CSMD1: variants seen among roughly 807,000 people sequenced by gnomAD.
CSMD1 encodes CUB and sushi domain-containing protein 1.
Under a neutral mutation model 417.5 loss-of-function variants are expected in CSMD1, and 213 were observed. That is an observed-to-expected ratio of 0.51 (90% CI 0.46 to 0.57). CSMD1 has a LOEUF of 0.57. CSMD1 is among the 20% of genes least tolerant of loss of function. The pLI, the probability that CSMD1 is intolerant of heterozygous loss-of-function variation, is 0.00. For missense variants in CSMD1, 6,923 were observed against 4,529.7 expected (o/e 1.53, Z -15.17); for synonymous variants, 2,862 against 1,736.8 (o/e 1.65, Z -16.11).
At chr8:4,461,207 A>C (rs981989719) in intron 2 of CSMD1, among the ~76,000 whole-genome samples, 1 of 152,036 alleles carries the variant, frequency 6.6e-6, no homozygotes, top group Non-Finnish European at 1.5e-5. Context: ...TGATAAAAAC[A>C]ATTAACTAGC....
At chr8:3,495,200 T>G (rs913362113) in intron 10 of CSMD1, among the ~76,000 whole-genome samples, 1 of 152,238 alleles carries the variant, frequency 6.6e-6, no homozygotes, top group Non-Finnish European at 1.5e-5. Context: ...GATATTTTTA[T>G]TTCTACTTTT....
intron 59 of CSMD1, among the ~76,000 whole-genome samples, chr8:2,964,239 G>GA (rs1289847223): frequency 3.9e-5 from 6 of 152,212 alleles, no homozygotes; most frequent in Non-Finnish European, 7.3e-5. Flanking sequence ...TCTCACGTGA[G>GA]AAAGACATGC....
At chr8:4,737,699 C>T (rs1056572966) in intron 1 of CSMD1, among the ~76,000 whole-genome samples, 8 of 152,080 alleles carry the variant, frequency 5.3e-5, no homozygotes, top group South Asian at 2.1e-4. Flanking sequence ...TCATTTAATT[C>T]GGCTGCTGAA....
intron 5 of CSMD1, among the ~76,000 whole-genome samples, chr8:3,849,482 G>A (rs1028992443): frequency 1.3e-5 from 2 of 152,108 alleles, no homozygotes; most frequent in African/African-American, 4.8e-5. Context: ...CATCTGAATT[G>A]GAATCCATCA....
intron 1 of CSMD1, among the ~76,000 whole-genome samples, chr8:4,835,032 G>C (rs1359267448): frequency 7.0e-6 from 1 of 142,706 alleles, no homozygotes; most frequent in Non-Finnish European, 1.5e-5. Flanking sequence ...CAGTATTGGG[G>C]GAACAAATGA....
intron 27 of CSMD1, among the ~76,000 whole-genome samples, chr8:3,228,915 G>C (rs918859950): frequency 4.0e-4 from 61 of 152,084 alleles, no homozygotes; most frequent in Non-Finnish European, 8.8e-5. Context: ...CTCAGCTTGA[G>C]TAAAACGCGT....
chr8:4,935,484 T>G (rs1807552495), intron 1 of CSMD1, among the ~76,000 whole-genome samples: 1 of 152,236 alleles, frequency 6.6e-6, no homozygotes, highest in African/African-American at 2.4e-5. Flanking sequence ...AGTCTTTCAG[T>G]GTGAATCCAT....
chr8:4,925,399 G>C (rs774346592), intron 1 of CSMD1, among the ~76,000 whole-genome samples: 1 of 151,572 alleles, frequency 6.6e-6, no homozygotes, highest in Admixed American at 6.6e-5. Context: ...ATGGCATTTT[G>C]TAAAACAATC....
intron 3 of CSMD1, among the ~76,000 whole-genome samples, chr8:4,321,836 C>A (rs1354212624): frequency 6.6e-6 from 1 of 152,068 alleles, no homozygotes; most frequent in African/African-American, 2.4e-5. Flanking sequence ...TGTAGTTACA[C>A]TACTTGACAC....
At chr8:4,516,902 T>A (rs917698392) in intron 2 of CSMD1, among the ~76,000 whole-genome samples, 2 of 152,128 alleles carry the variant, frequency 1.3e-5, no homozygotes. Flanking sequence ...ATATAATATT[T>A]TTATAAGAAT....
chr8:3,666,343 C>G (rs1426615061), intron 7 of CSMD1, among the ~76,000 whole-genome samples: 1 of 152,140 alleles, frequency 6.6e-6, no homozygotes, highest in African/African-American at 2.4e-5. Flanking sequence ...ATGATATAAA[C>G]GCCTGTCCGT....
chr8:4,377,843 AG>A, intron 3 of CSMD1, among the ~76,000 whole-genome samples: 1 of 152,098 alleles, frequency 6.6e-6, no homozygotes, highest in South Asian at 2.1e-4. Context: ...TGCCCCAATT[AG>A]TATACTTCTG....
intron 5 of CSMD1, among the ~76,000 whole-genome samples, chr8:3,760,498 T>C (rs1015550627): frequency 6.6e-6 from 1 of 152,176 alleles, no homozygotes; most frequent in Non-Finnish European, 1.5e-5. Flanking sequence ...TATAACATAC[T>C]CCTACTCATT....
At chr8:3,544,888 T>C (rs998068952) in intron 10 of CSMD1, among the ~76,000 whole-genome samples, 3 of 152,220 alleles carry the variant, frequency 2.0e-5, no homozygotes, top group African/African-American at 7.2e-5. Flanking sequence ...AATATGGTTA[T>C]TTCTATGAAT....
At chr8:4,730,526 G>C (rs566900730) in intron 1 of CSMD1, among the ~76,000 whole-genome samples, 2 of 152,162 alleles carry the variant, frequency 1.3e-5, no homozygotes, top group South Asian at 2.1e-4. Flanking sequence ...GGATCACGAG[G>C]TCAGGAGATG....
intron 1 of CSMD1, among the ~76,000 whole-genome samples, chr8:4,945,258 G>A (rs1808291916): frequency 6.6e-6 from 1 of 152,132 alleles, no homozygotes; most frequent in African/African-American, 2.4e-5. Context: ...GGAACATGGG[G>A]AGTTACTGTT....
intron 1 of CSMD1, among the ~76,000 whole-genome samples, chr8:4,726,740 G>A (rs961344956): frequency 3.3e-5 from 5 of 152,122 alleles, no homozygotes. Context: ...TTCAGCATGG[G>A]CTGGGTTATG....
chr8:3,322,384 T>A (rs1436591161), intron 23 of CSMD1, among the ~76,000 whole-genome samples: 1 of 152,186 alleles, frequency 6.6e-6, no homozygotes, highest in Non-Finnish European at 1.5e-5. Context: ...GAATGAGCAA[T>A]TTCTTAGTAT....
intron 5 of CSMD1, among the ~76,000 whole-genome samples, chr8:3,826,875 C>T (rs1802084709): frequency 1.3e-5 from 2 of 152,096 alleles, no homozygotes; most frequent in Admixed American, 1.3e-4. Flanking sequence ...CAGCATCGGC[C>T]TCCTGAGTTC....
Sources: gnomAD v4.1 joint callset for allele counts (sites outside exome capture counted in the v4.1 genomes callset) on GRCh38, gnomAD v4.1.1 for gene constraint, MANE v1.5 for transcripts, NCBI Gene and HGNC (gene_info 2026-07-23, HGNC 2026-07-21) for gene names.